FSTL5: variants seen among roughly 807,000 people sequenced by gnomAD.
FSTL5 encodes the protein follistatin like 5.
In FSTL5, 62 loss-of-function variants were observed where a neutral mutation model predicts 89.1. The ratio of observed to expected loss-of-function variants is 0.70; its 90% CI spans 0.57 to 0.86. The LOEUF (loss-of-function observed/expected upper bound fraction) is 0.86, where lower values mean the gene tolerates loss of function less well. Among genes scored for constraint, FSTL5 ranks in the 40% least tolerant of loss-of-function variants. The probability of loss-of-function intolerance (pLI) is 0.00; values close to 1 mark genes in which losing one functional copy is unlikely to be tolerated. For missense variants in FSTL5, 1,057 were observed against 1,001.6 expected (o/e 1.06, Z -0.75); for synonymous variants, 383 against 346.2 (o/e 1.11, Z -1.18).
chr4:161,618,719 G>C (rs150597805), intron 7 of FSTL5, among the ~76,000 whole-genome samples: 7,509 of 152,112 alleles, frequency 0.049, 601 homozygotes, highest in African/African-American at 0.17. Flanking sequence ...TGCTGGATTC[G>C]TTTTGCCAGT....
At chr4:161,694,623 C>A (rs1469692252) in intron 6 of FSTL5, among the ~76,000 whole-genome samples, 2 of 151,876 alleles carry the variant, frequency 1.3e-5, no homozygotes, top group South Asian at 2.1e-4. Flanking sequence ...AATTCAACAC[C>A]TAGGCTTTCT....
chr4:161,414,933 TTTTCTTTG>T (rs1731720529), intron 15 of FSTL5, among the ~76,000 whole-genome samples: 1 of 152,202 alleles, frequency 6.6e-6, no homozygotes, highest in African/African-American at 2.4e-5. Flanking sequence ...ACTTTACTGC[TTTTCTTTG>T]TTTCTTTCTT....
Position 161,840,761 on chromosome 4 carries a change from T to TC in FSTL5, c.410-64688dup, listed in dbSNP as rs138165704. Among the ~76,000 whole-genome samples, 478 of 152,270 alleles carry TC rather than the reference T, an allele frequency of 3.1e-3. 2 individuals are homozygous for TC. The highest frequency in any genetic ancestry group is 4.6e-3 in the Non-Finnish European group (315 of 68,032). On this transcript the variant is annotated intron_variant, in intron 4 of 15. Transcript: ENST00000306100. ...ATGAACTGGGCAATTGATGTGTTTA[T>TC]CCCCCAAGTTGGGGCCTTTTCCAGA...
At chr4:161,413,371 A>G (rs1379522506) in intron 15 of FSTL5, among the ~76,000 whole-genome samples, 1 of 152,008 alleles carries the variant, frequency 6.6e-6, no homozygotes, top group Non-Finnish European at 1.5e-5. Context: ...AACCACAATG[A>G]GATATCATCT....
intron 15 of FSTL5, among the ~76,000 whole-genome samples, chr4:161,448,031 G>A (rs2126383967): frequency 6.6e-6 from 1 of 152,178 alleles, no homozygotes; most frequent in Non-Finnish European, 1.5e-5. Context: ...AAAAGGTAAA[G>A]AAACTGTGGA....
chr4:161,911,503 A>G (rs1294305441), intron 4 of FSTL5, among the ~76,000 whole-genome samples: 1 of 152,152 alleles, frequency 6.6e-6, no homozygotes, highest in Non-Finnish European at 1.5e-5. Context: ...TTCAGATTTC[A>G]GGGGGTCTTT....
At chr4:161,579,793 T>C (rs1045748835) in intron 8 of FSTL5, among the ~76,000 whole-genome samples, 2 of 142,634 alleles carry the variant, frequency 1.4e-5, no homozygotes, top group South Asian at 2.3e-4. Context: ...CATTTGAAAA[T>C]GGATTGCAAA....
At chr4:161,863,032 T>A (rs1051745203) in intron 4 of FSTL5, among the ~76,000 whole-genome samples, 37 of 152,262 alleles carry the variant, frequency 2.4e-4, no homozygotes, top group African/African-American at 8.7e-4. Context: ...GAAAGCCCAT[T>A]TTTTGCAGAA....
At chr4:161,862,725 C>T (rs374479119) in intron 4 of FSTL5, among the ~76,000 whole-genome samples, 1 of 151,942 alleles carries the variant, frequency 6.6e-6, no homozygotes, top group Admixed American at 6.6e-5. Context: ...AGAGAGACTC[C>T]ATCTCAAAAA....
rs1159265821 is a variant in FSTL5, at chr4:161,776,105, A to T, written c.410-31T>A. The T allele has an allele frequency of 2.8e-6, 3 of 1,089,868 alleles. No individual in the cohort carries two copies. In the Admixed American group the frequency reaches 8.8e-5, roughly 32 times the overall value. The allele number at this position is 1,089,868 out of a possible 1,614,324, so 67.5% of individuals were successfully genotyped here. ...ACAAAAGAACTAGTTATTTTCAAGC[A>T]ATATTATTGAAAAGAAATAGTTTAT... On this transcript the variant is annotated intron_variant, in intron 4 of 15. Coordinates refer to ENST00000306100, the MANE Select transcript of FSTL5 (RefSeq NM_020116.5).
chr4:162,098,793 G>GA, intron 2 of FSTL5, among the ~76,000 whole-genome samples: 1 of 152,044 alleles, frequency 6.6e-6, no homozygotes, highest in Admixed American at 6.6e-5. Context: ...ACCTATCTTG[G>GA]AAAAAGTTGC....
chr4:161,692,010 T>C (rs1472562244), intron 6 of FSTL5, among the ~76,000 whole-genome samples: 23 of 152,054 alleles, frequency 1.5e-4, no homozygotes, highest in Admixed American at 1.5e-3. Flanking sequence ...CCTACAAAAA[T>C]ACATATATAT....
At chr4:161,399,773 T>C (rs1731124916) in intron 15 of FSTL5, among the ~76,000 whole-genome samples, 1 of 152,122 alleles carries the variant, frequency 6.6e-6, no homozygotes, top group Admixed American at 6.6e-5. Context: ...ATGATTGCAT[T>C]TTATGAGGAT....
chr4:162,094,247 C>A (rs147156174), intron 2 of FSTL5, among the ~76,000 whole-genome samples: 2 of 151,980 alleles, frequency 1.3e-5, no homozygotes, highest in African/African-American at 4.8e-5. Flanking sequence ...ATTAGCTGGG[C>A]GTGGTGGCAG....
intron 4 of FSTL5, among the ~76,000 whole-genome samples, chr4:161,824,923 T>C (rs1463609513): frequency 1.3e-5 from 2 of 152,206 alleles, no homozygotes; most frequent in Non-Finnish European, 2.9e-5. Flanking sequence ...GGACTTCCAG[T>C]ACTATGTTGA....
intron 3 of FSTL5, among the ~76,000 whole-genome samples, chr4:162,016,772 C>T (rs1736927267): frequency 6.6e-6 from 1 of 152,084 alleles, no homozygotes; most frequent in Non-Finnish European, 1.5e-5. Context: ...AATTACAGTT[C>T]ACAACATGAC....
intron 4 of FSTL5, among the ~76,000 whole-genome samples, chr4:161,862,138 T>G (rs1259289706): frequency 6.6e-6 from 1 of 152,224 alleles, no homozygotes; most frequent in South Asian, 2.1e-4. Context: ...GATAATCTTT[T>G]AACAAATATT....
chr4:161,750,659 A>AT (rs1183892712), intron 6 of FSTL5, among the ~76,000 whole-genome samples: 18 of 152,106 alleles, frequency 1.2e-4, no homozygotes, highest in Non-Finnish European at 1.5e-5. Flanking sequence ...AAAAATTATG[A>AT]TTTTCAAACA....
chr4:161,534,973 A>C (rs1329676553), intron 10 of FSTL5, among the ~76,000 whole-genome samples: 2 of 152,186 alleles, frequency 1.3e-5, no homozygotes, highest in African/African-American at 4.8e-5. Context: ...CAACAGGGAA[A>C]GGACTATCTA....
Sources: gnomAD v4.1 joint callset for allele counts (sites outside exome capture counted in the v4.1 genomes callset) on GRCh38, gnomAD v4.1.1 for gene constraint, MANE v1.5 for transcripts, NCBI Gene and HGNC (gene_info 2026-07-23, HGNC 2026-07-21) for gene names.